The following LDB2 variants were observed in gnomAD, a reference collection of about 807,000 sequenced individuals.
The protein encoded by LDB2 is LIM domain binding 2.
Under a neutral mutation model 44.3 loss-of-function variants are expected in LDB2, and 12 were observed. The observed-to-expected ratio is 0.27, with a 90% CI of 0.17 to 0.44. The LOEUF (loss-of-function observed/expected upper bound fraction) is 0.44. LDB2 is among the 20% of genes least tolerant of loss of function. The pLI, the probability that LDB2 is intolerant of heterozygous loss-of-function variation, is 1.00. For synonymous variants in LDB2, 164 were observed against 174.8 expected (o/e 0.94, Z 0.49); for missense variants, 344 against 473.5 (o/e 0.73, Z 2.54).
chr4:16,735,716 C>T (rs192391887), intron 2 of LDB2, among the ~76,000 whole-genome samples: 17 of 152,210 alleles, frequency 1.1e-4, no homozygotes, highest in African/African-American at 2.2e-4. Flanking sequence ...TCAAAACCTA[C>T]GACCTCAGTG....
At chr4:16,893,525 C>T (rs913704408) in intron 1 of LDB2, among the ~76,000 whole-genome samples, 10 of 152,084 alleles carry the variant, frequency 6.6e-5, no homozygotes, top group African/African-American at 2.4e-4. Flanking sequence ...CCTCCCCACC[C>T]CCTCCCCAGG....
chr4:16,581,982 GGGAAGGAAGGGAAGGAAGGGAAGGAA>G (rs1340565817), intron 5 of LDB2, among the ~76,000 whole-genome samples: 6 of 113,756 alleles, frequency 5.3e-5, no homozygotes, highest in African/African-American at 2.1e-4. Context: ...AAGGAAGGAA[GGGAAGGAAGGGAAGGAAGGGAAGGAA>G]GGAAGGAAGG....
At chr4:16,550,404 G>A (rs1284621530) in intron 5 of LDB2, among the ~76,000 whole-genome samples, 1 of 152,146 alleles carries the variant, frequency 6.6e-6, no homozygotes, top group Admixed American at 6.5e-5. Context: ...TGTATTCCCA[G>A]TACCTAAAAT....
At chr4:16,685,551 T>A (rs1256372894) in intron 2 of LDB2, among the ~76,000 whole-genome samples, 1 of 152,184 alleles carries the variant, frequency 6.6e-6, no homozygotes, top group African/African-American at 2.4e-5. Context: ...ATTCTCTACC[T>A]GAAAGGATTA....
At chr4:16,601,083 G>A (rs1300169050) in intron 2 of LDB2, among the ~76,000 whole-genome samples, 1 of 151,994 alleles carries the variant, frequency 6.6e-6, no homozygotes, top group East Asian at 1.9e-4. Context: ...AGTTATTGAG[G>A]TACAAAGTTA....
chr4:16,701,624 AG>A (rs976849499), intron 2 of LDB2, among the ~76,000 whole-genome samples: 7 of 152,212 alleles, frequency 4.6e-5, no homozygotes, highest in African/African-American at 1.7e-4. Flanking sequence ...ACCTTTGGAA[AG>A]TCACACAGGT....
In LDB2 at chr4:16,848,198, T is replaced by C. The variant is rs370014474; in HGVS notation, c.132+50156A>G. 1.1e-4 allele frequency among the ~76,000 whole-genome samples: 17 copies of C among 152,258 alleles called. No individual in the cohort carries two copies. In the East Asian group the frequency reaches 1.9e-3, roughly 17 times the overall value. On this transcript the variant is annotated intron_variant, in intron 1 of 7. Coordinates refer to ENST00000304523, the MANE Select transcript of LDB2 (RefSeq NM_001290.5). ...AATTTTAAAAAGCAAAAAAGAACTA[T>C]GTAAAGGGTCTTGGCAACAAGTCAT...
chr4:16,606,401 G>A (rs751673269), intron 2 of LDB2, among the ~76,000 whole-genome samples: 21 of 152,172 alleles, frequency 1.4e-4, no homozygotes, highest in Non-Finnish European at 2.9e-4. Context: ...ACCAGAAATT[G>A]TCCTTCAAAA....
chr4:16,510,703 A>C (rs1721398867), intron 6 of LDB2, among the ~76,000 whole-genome samples: 1 of 152,184 alleles, frequency 6.6e-6, no homozygotes, highest in South Asian at 2.1e-4. Flanking sequence ...TACTACCCTA[A>C]GTCTCAGAGT....
chr4:16,627,194 C>T (rs778774438), intron 2 of LDB2, among the ~76,000 whole-genome samples: 4 of 152,156 alleles, frequency 2.6e-5, no homozygotes, highest in Non-Finnish European at 5.9e-5. Context: ...GTCATCCCCA[C>T]CCCACCACAA....
At chr4:16,857,610 A>C (rs1789612305) in intron 1 of LDB2, among the ~76,000 whole-genome samples, 1 of 152,106 alleles carries the variant, frequency 6.6e-6, no homozygotes, top group Non-Finnish European at 1.5e-5. Flanking sequence ...GAGCACAAAG[A>C]GGTCTTTGCC....
chr4:16,511,972 A>C lies in LDB2; in HGVS notation c.739+9T>G. The C allele has an allele frequency of 6.2e-7, 1 of 1,610,678 alleles. No individual in the cohort carries two copies. On this transcript the variant is annotated intron_variant, in intron 6 of 7. Transcript: ENST00000304523. ...GTGTTTAGAGAGAGAGTGAAGAATG[A>C]GGGTGTACCTGGCGGAGCCACCATC...
At chr4:16,519,687 G>C (rs1241121366) in intron 5 of LDB2, among the ~76,000 whole-genome samples, 1 of 150,650 alleles carries the variant, frequency 6.6e-6, no homozygotes, top group Non-Finnish European at 1.5e-5. Flanking sequence ...AGCCCTCCAA[G>C]TCAGCCATTA....
intron 5 of LDB2, among the ~76,000 whole-genome samples, chr4:16,515,344 G>T (rs981648661): frequency 8.5e-5 from 13 of 152,218 alleles, no homozygotes; most frequent in Non-Finnish European, 1.5e-5. Flanking sequence ...TTGAGTGACG[G>T]TGTCAATAGA....
intron 1 of LDB2, among the ~76,000 whole-genome samples, chr4:16,834,437 T>C (rs1007935777): frequency 6.6e-6 from 1 of 152,176 alleles, no homozygotes. Context: ...GTTGTCCCCT[T>C]TACATAGGGC....
At chr4:16,766,106 G>A (rs888103876) in intron 1 of LDB2, among the ~76,000 whole-genome samples, 10 of 152,118 alleles carry the variant, frequency 6.6e-5, no homozygotes, top group African/African-American at 2.4e-4. Flanking sequence ...GTAATTAAAT[G>A]TTACAAATAT....
Position 16,533,965 on chromosome 4 carries a change from T to C in LDB2, c.616-21861A>G, listed in dbSNP as rs1461791549. Among the ~76,000 whole-genome samples, 1 of 152,154 alleles carries C rather than the reference T, an allele frequency of 6.6e-6. No individual in the cohort carries two copies. The highest frequency in any genetic ancestry group is 1.5e-5 in the Non-Finnish European group (1 of 68,022). On this transcript the variant is annotated intron_variant, in intron 5 of 7. Transcript: ENST00000304523. This position sits in a 1 kb window ranked among gnomAD's most constrained non-coding sequence, Gnocchi z 4.1. ...ACATTCATAATAATATAATTAGCAATACAATTCATACCATACAGCATGTGA... is the reference window on the plus strand; with the variant it reads ...ACATTCATAATAATATAATTAGCAACACAATTCATACCATACAGCATGTGA...
At chr4:16,620,134 G>A (rs939823935) in intron 2 of LDB2, among the ~76,000 whole-genome samples, 2 of 152,158 alleles carry the variant, frequency 1.3e-5, no homozygotes, top group Non-Finnish European at 2.9e-5. Context: ...TGAAGGAAGA[G>A]ACCATATCTA....
At position 16,585,075 on chromosome 4, in the gene LDB2, C is replaced by A. The variant is rs1259074897; in HGVS notation, c.615+847G>T. 2.6e-5 allele frequency among the ~76,000 whole-genome samples: 4 copies of A among 152,156 alleles called. No individual in the cohort carries two copies. The East Asian group carries it at 7.7e-4, about 29-fold the overall frequency. Reference sequence around the variant, plus strand: ...CGATATGCCCAGCAGTACAGAGCAGCCTTCTGGATTGTGGAGAGAACAACT... The same window carrying A: ...CGATATGCCCAGCAGTACAGAGCAGACTTCTGGATTGTGGAGAGAACAACT... On this transcript the variant is annotated intron_variant, in intron 5 of 7. Transcript: ENST00000304523.
Sources: allele counts gnomAD v4.1 joint callset (sites outside exome capture counted in the v4.1 genomes callset), GRCh38; gene constraint gnomAD v4.1.1; non-coding constraint Gnocchi (gnomAD v3.1); transcripts MANE v1.5; gene names NCBI Gene and HGNC (gene_info 2026-07-23, HGNC 2026-07-21).